The following GPC5 variants were observed in gnomAD, a reference collection of about 807,000 sequenced individuals.
GPC5 encodes the protein glypican-5.
Under a neutral mutation model 53.9 loss-of-function variants are expected in GPC5, and 47 were observed. That is an observed-to-expected ratio of 0.87 (90% confidence interval 0.69 to 1.11). GPC5 has a LOEUF of 1.11. Among genes scored for constraint, GPC5 ranks in the 50% most tolerant of loss-of-function variants. The pLI, the probability that GPC5 is intolerant of heterozygous loss-of-function variation, is 0.00. For missense variants in GPC5, 748 were observed against 713.1 expected, an observed-to-expected ratio of 1.05 and a Z score of -0.56; for synonymous variants, 286 against 263.3, an observed-to-expected ratio of 1.09 and a Z score of -0.84.
intron 7 of GPC5, among the ~76,000 whole-genome samples, chr13:92,548,274 A>G (rs889873414): frequency 3.9e-5 from 6 of 151,918 alleles, no homozygotes; most frequent in Admixed American, 6.6e-5. Flanking sequence ...TTTTTAATTG[A>G]AGAAAATAAA....
intron 6 of GPC5, among the ~76,000 whole-genome samples, chr13:92,066,258 TC>T (rs757700522): frequency 1.1e-4 from 16 of 152,008 alleles, no homozygotes; most frequent in South Asian, 6.2e-4. Context: ...TTTACTCAGA[TC>T]CTATAAAGTG....
At chr13:92,780,214 ATACT>A (rs1346837342) in intron 7 of GPC5, among the ~76,000 whole-genome samples, 1 of 151,942 alleles carries the variant, frequency 6.6e-6, no homozygotes, top group East Asian at 1.9e-4. Context: ...TCTTAGTAAA[ATACT>A]TAATACTTTG....
chr13:91,803,497 T>A (rs1036838934), intron 5 of GPC5, among the ~76,000 whole-genome samples: 1 of 152,218 alleles, frequency 6.6e-6, no homozygotes, highest in South Asian at 2.1e-4. Flanking sequence ...TGGTTTATGA[T>A]ATGAATGTTA....
Position 91,520,656 on chromosome 13 carries a change from A to G in GPC5, c.325+71734A>G, listed in dbSNP as rs187799298. ...CTTAAATCTATTTCCATATATATAT[A>G]TGTGTGGGTATATATGTGTGTATAT... On this transcript the variant is annotated intron_variant, in intron 2 of 7. Transcript: ENST00000377067. Among the ~76,000 whole-genome samples, 1,309 of 152,004 alleles carry G rather than the reference A, an allele frequency of 8.6e-3. 8 individuals carry two copies. The highest frequency in any genetic ancestry group is 0.013 in the Non-Finnish European group (916 of 67,972).
intron 7 of GPC5, among the ~76,000 whole-genome samples, chr13:92,602,669 A>C (rs543601795): frequency 3.9e-5 from 6 of 152,162 alleles, no homozygotes; most frequent in Non-Finnish European, 8.8e-5. Flanking sequence ...TCTTGAAGGC[A>C]GACTATCCTT....
At chr13:92,426,519 A>G (rs2139368918) in intron 7 of GPC5, among the ~76,000 whole-genome samples, 1 of 152,240 alleles carries the variant, frequency 6.6e-6, no homozygotes, top group Admixed American at 6.5e-5. Context: ...GAGACTAGCT[A>G]AAATGTCAAG....
At chr13:92,307,090 A>G (rs2043116219) in intron 7 of GPC5, among the ~76,000 whole-genome samples, 1 of 152,266 alleles carries the variant, frequency 6.6e-6, no homozygotes, top group Non-Finnish European at 1.5e-5. Context: ...CTACTTAACT[A>G]CATTTTGAAA....
intron 7 of GPC5, among the ~76,000 whole-genome samples, chr13:92,189,352 A>T (rs1252457181): frequency 6.6e-6 from 1 of 152,044 alleles, no homozygotes; most frequent in Non-Finnish European, 1.5e-5. Flanking sequence ...TAGTCTCCCA[A>T]GTGGGGCAAG....
intron 3 of GPC5, among the ~76,000 whole-genome samples, chr13:91,705,757 T>A (rs2036087640): frequency 6.7e-6 from 1 of 150,068 alleles, no homozygotes; most frequent in Admixed American, 6.6e-5. Context: ...TAGTAACTGT[T>A]AAGAAAAATT....
intron 7 of GPC5, among the ~76,000 whole-genome samples, chr13:92,723,874 T>C (rs1313517033): frequency 1.3e-5 from 2 of 151,784 alleles, no homozygotes; most frequent in East Asian, 1.9e-4. Flanking sequence ...TATAGTATGA[T>C]AGAAAAACAA....
intron 7 of GPC5, among the ~76,000 whole-genome samples, chr13:92,617,012 T>A (rs964841248): frequency 6.6e-6 from 1 of 152,166 alleles, no homozygotes; most frequent in African/African-American, 2.4e-5. Context: ...AAAGCGACCA[T>A]TACTTCAAAT....
At chr13:92,593,435 G>T (rs1483522864) in intron 7 of GPC5, among the ~76,000 whole-genome samples, 1 of 151,064 alleles carries the variant, frequency 6.6e-6, no homozygotes, top group African/African-American at 2.4e-5. Flanking sequence ...TCTTTTTCTG[G>T]AAACATAAAA....
rs150688285 is a variant in GPC5, at chr13:92,279,326, T to C, written c.1561+134337T>C. 5.4e-3 allele frequency among the ~76,000 whole-genome samples: 820 copies of C among 152,184 alleles called. 8 individuals are homozygous for C. The highest frequency in any genetic ancestry group is 0.017 in the African/African-American group (726 of 41,566). ...TTAATTTCTGTGTTTGATTGTTCAT[T>C]GCCATTGTATATAAACACAATTAAG... On this transcript the variant is annotated intron_variant, in intron 7 of 7. Transcript: ENST00000377067.
At chr13:91,429,686 G>A (rs1002059297) in intron 1 of GPC5, among the ~76,000 whole-genome samples, 8 of 152,190 alleles carry the variant, frequency 5.3e-5, no homozygotes, top group African/African-American at 1.7e-4. Flanking sequence ...AGAGTTGATG[G>A]TGTGAGACAG....
chr13:92,477,282 AC>A (rs1335481209), intron 7 of GPC5, among the ~76,000 whole-genome samples: 6 of 152,088 alleles, frequency 3.9e-5, no homozygotes, highest in African/African-American at 1.4e-4. Context: ...AAGTAATCCC[AC>A]ATAACCTTAT....
chr13:92,845,027 C>G (rs1566442639), intron 7 of GPC5, among the ~76,000 whole-genome samples: 2 of 152,042 alleles, frequency 1.3e-5, no homozygotes, highest in South Asian at 4.1e-4. Context: ...CATATTTTCT[C>G]CTCAACAAAT....
At chr13:92,001,898 A>G (rs571693327) in intron 6 of GPC5, among the ~76,000 whole-genome samples, 9 of 152,264 alleles carry the variant, frequency 5.9e-5, no homozygotes, top group East Asian at 3.9e-4. Flanking sequence ...TAGTTTTGAC[A>G]TCTGTTTTAT....
intron 7 of GPC5, among the ~76,000 whole-genome samples, chr13:92,521,672 C>G (rs1394530792): frequency 6.6e-6 from 1 of 152,098 alleles, no homozygotes; most frequent in Non-Finnish European, 1.5e-5. Flanking sequence ...ACCATAAAAA[C>G]CCTAGAAGAA....
chr13:92,265,735 ATTTG>A (rs930133385), intron 7 of GPC5, among the ~76,000 whole-genome samples: 7 of 152,106 alleles, frequency 4.6e-5, no homozygotes, highest in African/African-American at 1.7e-4. Flanking sequence ...ATTTTCAGGT[ATTTG>A]TTATAGCAGC....
Sources: allele counts gnomAD v4.1 joint callset (sites outside exome capture counted in the v4.1 genomes callset), GRCh38; gene constraint gnomAD v4.1.1; transcripts MANE v1.5; gene names NCBI Gene and HGNC (gene_info 2026-07-23, HGNC 2026-07-21).